LIMCH1: variants seen among roughly 807,000 people sequenced by gnomAD.
LIMCH1 encodes the protein LIM and calponin homology domains 1.
A neutral mutation model predicts 176.5 loss-of-function variants in LIMCH1; 113 were observed. That is an observed-to-expected ratio of 0.64 (90% CI 0.55 to 0.75). The LOEUF is 0.75. Among genes scored for constraint, LIMCH1 ranks in the 30% least tolerant of loss-of-function variants. LIMCH1 has a pLI of 0.00. For missense variants in LIMCH1, 1,674 were observed against 1,814.9 expected (o/e 0.92, Z 1.41); for synonymous variants, 619 against 645.9 (o/e 0.96, Z 0.63).
intron 2 of LIMCH1, among the ~76,000 whole-genome samples, chr4:41,523,154 A>G (rs1286486017): frequency 6.6e-6 from 1 of 152,230 alleles, no homozygotes; most frequent in Non-Finnish European, 1.5e-5. Context: ...CTATTAAACC[A>G]TTTGAAAAAT....
Position 41,675,878 on chromosome 4 carries a change from G to A in LIMCH1, c.3439-504G>A, listed in dbSNP as rs544903961. The stretch of plus-strand genomic sequence containing the variant: ...CTTGCCTGGATCTTAGGTGGTACTG[G>A]TGAGCATTGGTGAGTTAAACAACCC... On this transcript the variant is annotated intron_variant, in intron 22 of 31. Transcript: ENST00000503057. Among the ~76,000 whole-genome samples, 37 of 152,232 alleles carry A rather than the reference G, an allele frequency of 2.4e-4. 1 individual carries two copies. The highest frequency in any genetic ancestry group is 2.8e-4 in the Non-Finnish European group (19 of 68,050).
chr4:41,658,840 A>G (rs1413346119), intron 18 of LIMCH1, among the ~76,000 whole-genome samples: 2 of 152,142 alleles, frequency 1.3e-5, no homozygotes, highest in Non-Finnish European at 2.9e-5. Context: ...TAGTATTTGT[A>G]AACACCAGTG....
intron 2 of LIMCH1, among the ~76,000 whole-genome samples, chr4:41,500,335 G>A (rs992307441): frequency 1.3e-5 from 2 of 152,148 alleles, no homozygotes; most frequent in African/African-American, 4.8e-5. Flanking sequence ...ACATTTGTTA[G>A]CTGTCATTCT....
rs1245817155 is a variant in LIMCH1 at position 41,541,232 on chromosome 4, G to A, written c.-241+2882G>A. ...AAGGAACCAAAGCAGTTGTTGTAAT[G>A]ATATAAAATAAGAGCCATAGCTTAT... On this transcript the variant is annotated intron_variant, in intron 1 of 31. Transcript: ENST00000503057. Among the ~76,000 whole-genome samples, 12 of 152,292 alleles carry A rather than the reference G, an allele frequency of 7.9e-5. No individual in the cohort carries two copies. In the East Asian group the frequency reaches 1.7e-3, roughly 22 times the overall value.
intron 1 of LIMCH1, among the ~76,000 whole-genome samples, chr4:41,373,993 T>A (rs1019738312): frequency 1.3e-5 from 2 of 152,214 alleles, no homozygotes; most frequent in Non-Finnish European, 2.9e-5. Context: ...CCTTCTGCCA[T>A]GATTGTAAGT....
chr4:41,486,878 T>C (rs2069649424), intron 1 of LIMCH1, among the ~76,000 whole-genome samples: 1 of 151,348 alleles, frequency 6.6e-6, no homozygotes, highest in South Asian at 2.1e-4. Flanking sequence ...GCCTCCTGGG[T>C]TCAAGTGATT....
chr4:41,402,188 A>G (rs1393981820), intron 1 of LIMCH1, among the ~76,000 whole-genome samples: 1 of 152,208 alleles, frequency 6.6e-6, no homozygotes, highest in Admixed American at 6.5e-5. Flanking sequence ...ACACTTCTCA[A>G]AAGAAGACAT....
chr4:41,360,002 G>GGT (rs1561112646), upstream of LIMCH1, among the ~76,000 whole-genome samples: 1 of 150,298 alleles, frequency 6.7e-6, no homozygotes, highest in African/African-American at 2.5e-5. The surrounding 1 kb of genome is among the most constrained non-coding windows in gnomAD (Gnocchi z 4.5). Flanking sequence ...TTCCAGGTAG[G>GGT]GTGTGTGTGG....
chr4:41,578,207 T>C (rs1443816731), intron 1 of LIMCH1, among the ~76,000 whole-genome samples: 2 of 152,086 alleles, frequency 1.3e-5, no homozygotes, highest in African/African-American at 2.4e-5. Context: ...AATCATGGCG[T>C]AGAATGAAGA....
intron 3 of LIMCH1, among the ~76,000 whole-genome samples, chr4:41,532,598 C>T (rs1323720290): frequency 6.6e-6 from 1 of 152,186 alleles, no homozygotes; most frequent in Non-Finnish European, 1.5e-5. Flanking sequence ...GAGCCATTCT[C>T]CACTGTAGGT....
At chr4:41,366,579 G>A (rs1317098973) in intron 1 of LIMCH1, among the ~76,000 whole-genome samples, 1 of 151,972 alleles carries the variant, frequency 6.6e-6, no homozygotes, top group African/African-American at 2.4e-5. Context: ...GGAAAGGAAG[G>A]GATAATAGAA....
At chr4:41,539,065 A>G (rs1310256844) in intron 1 of LIMCH1, among the ~76,000 whole-genome samples, 2 of 152,062 alleles carry the variant, frequency 1.3e-5, no homozygotes, top group East Asian at 3.9e-4. Flanking sequence ...GGGGAAGAAA[A>G]TTTTCCTTAG....
chr4:41,485,807 C>T (rs2154169967), intron 1 of LIMCH1, among the ~76,000 whole-genome samples: 1 of 152,112 alleles, frequency 6.6e-6, no homozygotes, highest in Non-Finnish European at 1.5e-5. Context: ...TGGCTGCTGG[C>T]TTGAGAATAG....
chr4:41,593,611 A>C (rs2088091796), intron 1 of LIMCH1, among the ~76,000 whole-genome samples: 3 of 152,240 alleles, frequency 2.0e-5, no homozygotes. Flanking sequence ...ACATACAGAA[A>C]AATTCAAAGA....
intron 14 of LIMCH1, among the ~76,000 whole-genome samples, chr4:41,644,020 C>A (rs556814346): frequency 6.6e-6 from 1 of 152,152 alleles, no homozygotes; most frequent in Non-Finnish European, 1.5e-5. Context: ...ACATAGGAAG[C>A]CTTTAAGCCA....
rs558471520 is a variant in LIMCH1 at position 41,485,545 on chromosome 4, G to A, written c.97-8991G>A. Among the ~76,000 whole-genome samples, 24 of 152,290 alleles carry A rather than the reference G, an allele frequency of 1.6e-4. No individual in the cohort carries two copies. In the South Asian group the frequency reaches 4.8e-3, roughly 30 times the overall value. ...CATAATTGCCACCGTAAGTACTTCT[G>A]AGGGTCCCCTTTAATGGAGATATAT... On this transcript the variant is annotated intron_variant, in intron 1 of 26. Coordinates refer to the LIMCH1 transcript ENST00000313860.
At chr4:41,479,178 A>G (rs1165737498) in intron 1 of LIMCH1, among the ~76,000 whole-genome samples, 2 of 152,214 alleles carry the variant, frequency 1.3e-5, no homozygotes, top group Non-Finnish European at 2.9e-5. Context: ...ATAGATGTCA[A>G]AACCCTTTCC....
chr4:41,497,252 C>G (rs957088042), intron 2 of LIMCH1, among the ~76,000 whole-genome samples: 1 of 151,718 alleles, frequency 6.6e-6, no homozygotes, highest in African/African-American at 2.4e-5. Flanking sequence ...ATGTTAGTAG[C>G]AACTGTGTAG....
At chr4:41,400,389 T>G (rs917035459) in intron 1 of LIMCH1, among the ~76,000 whole-genome samples, 8 of 152,190 alleles carry the variant, frequency 5.3e-5, no homozygotes, top group African/African-American at 1.7e-4. Flanking sequence ...TTTTTTCCAG[T>G]TTTTTGTTCA....
Sources: allele counts gnomAD v4.1 joint callset (sites outside exome capture counted in the v4.1 genomes callset), GRCh38; gene constraint gnomAD v4.1.1; non-coding constraint Gnocchi (gnomAD v3.1); transcripts MANE v1.5; gene names NCBI Gene and HGNC (gene_info 2026-07-23, HGNC 2026-07-21).